CCND3: variants seen among roughly 807,000 people sequenced by gnomAD.
CCND3 encodes the protein G1/S-specific cyclin-D3.
In CCND3, 9 loss-of-function variants were observed where a neutral mutation model predicts 28.7. The observed-to-expected ratio is 0.31, with a 90% CI of 0.19 to 0.55. The LOEUF is 0.55. Among genes scored for constraint, CCND3 ranks in the 20% least tolerant of loss-of-function variants. The probability of loss-of-function intolerance (pLI) is 0.93; values close to 1 mark genes in which losing one functional copy is unlikely to be tolerated. For missense variants in CCND3, 315 were observed against 385.8 expected (o/e 0.82, Z 1.54); for synonymous variants, 164 against 163.9 (o/e 1.00, Z 0.00).
In CCND3 at chr6:41,938,865, C is replaced by A. The variant is rs1775897242; in HGVS notation, c.415-1471G>T. On this transcript the variant is annotated intron_variant, in intron 2 of 4. Transcript: ENST00000372991. The surrounding 1 kb of genome is among the most constrained non-coding windows in gnomAD (Gnocchi z 4.6). ...CTCCTCTGCTGCACACGGATTTGGA[C>A]CAACTGGAGTTCTCAGAGGTCCCTT... 6.6e-6 allele frequency among the ~76,000 whole-genome samples: 1 copy of A among 152,126 alleles called. No individual in the cohort carries two copies. The highest frequency in any genetic ancestry group is 1.5e-5 in the Non-Finnish European group (1 of 68,016).
chr6:42,047,343 G>T (rs1478352625), intron 1 of CCND3, among the ~76,000 whole-genome samples: 2 of 152,230 alleles, frequency 1.3e-5, no homozygotes, highest in Admixed American at 1.3e-4. Context: ...GGTGCTGAAT[G>T]AATTCATAAA....
rs557989315 is a variant in CCND3 at position 42,006,467 on chromosome 6, C to T, written c.-46+42034G>A. 4.6e-5 allele frequency among the ~76,000 whole-genome samples: 7 copies of T among 152,012 alleles called. 1 individual carries two copies. In the South Asian group the frequency reaches 1.5e-3, roughly 32 times the overall value. ...AGGGCAAGGATGCCTGCTGTCCTTGCTTCTAGCTGACATTAAATTGGAGGC... is the reference window on the plus strand; with the variant it reads ...AGGGCAAGGATGCCTGCTGTCCTTGTTTCTAGCTGACATTAAATTGGAGGC... On this transcript the variant is annotated intron_variant, in intron 1 of 4. Coordinates refer to the CCND3 transcript ENST00000372988.
chr6:42,033,402 A>G (rs914259458), intron 1 of CCND3, among the ~76,000 whole-genome samples: 8 of 151,904 alleles, frequency 5.3e-5, no homozygotes, highest in African/African-American at 1.9e-4. Context: ...TTGAGCTGAG[A>G]TCACACCATT....
upstream of CCND3, among the ~76,000 whole-genome samples, chr6:41,942,882 T>C (rs1306999522): frequency 7.0e-6 from 1 of 142,564 alleles, no homozygotes; most frequent in Non-Finnish European, 1.5e-5. Context: ...CTTTTTTTTT[T>C]TTTTTTTTTT....
intron 1 of CCND3, among the ~76,000 whole-genome samples, chr6:42,044,935 C>T (rs916548135): frequency 5.3e-5 from 8 of 150,654 alleles, no homozygotes; most frequent in Non-Finnish European, 1.0e-4. Context: ...ATTACAGGCC[C>T]GTGCGACCAC....
At chr6:42,032,746 G>T (rs1183950429) in intron 1 of CCND3, among the ~76,000 whole-genome samples, 2 of 152,202 alleles carry the variant, frequency 1.3e-5, no homozygotes, top group African/African-American at 2.4e-5. Flanking sequence ...CAGGAGCCAG[G>T]CTGCCTGACC....
rs117773473 is a variant in CCND3, at chr6:42,024,117, C to T, written c.-46+24384G>A. 1.1e-3 allele frequency among the ~76,000 whole-genome samples: 173 copies of T among 152,132 alleles called. 1 individual carries two copies. The East Asian group carries it at 0.029, about 26-fold the overall frequency. On this transcript the variant is annotated intron_variant, in intron 1 of 4. Coordinates refer to the CCND3 transcript ENST00000372988. ...AGGCACAGAGAGGTTAAGAATGCAC[C>T]CCATGGCTGGGTGCGGTGGCTCACA...
chr6:41,970,271 G>A (rs1266353044), intron 1 of CCND3, among the ~76,000 whole-genome samples: 2 of 152,070 alleles, frequency 1.3e-5, no homozygotes, highest in African/African-American at 2.4e-5. Context: ...CCCAGGAGGC[G>A]GAGGTTGGAG....
upstream of CCND3, among the ~76,000 whole-genome samples, chr6:41,945,719 C>CA (rs913614041): frequency 8.5e-5 from 13 of 152,182 alleles, no homozygotes; most frequent in Non-Finnish European, 1.3e-4. Flanking sequence ...AACCTGGCTC[C>CA]ACAGCTTATG....
At chr6:41,980,158 CAG>C (rs374364089) in intron 1 of CCND3, among the ~76,000 whole-genome samples, 1 of 144,796 alleles carries the variant, frequency 6.9e-6, no homozygotes, top group Non-Finnish European at 1.5e-5. Context: ...TTTTTTGAGA[CAG>C]AGTCTTGTTC....
intron 1 of CCND3, among the ~76,000 whole-genome samples, chr6:42,035,682 C>CT (rs70987564): frequency 0.37 from 49,881 of 133,974 alleles, 9,627 homozygotes; most frequent in Middle Eastern, 0.51. Context: ...CTTTTCTTTT[C>CT]TTTTTTTTTT....
At chr6:42,049,415 C>T (rs1421714089), upstream of CCND3, among the ~76,000 whole-genome samples, 2 of 152,216 alleles carry the variant, frequency 1.3e-5, no homozygotes, top group African/African-American at 4.8e-5. Flanking sequence ...CCCAGCTTTA[C>T]AGAAGAGGAA....
upstream of CCND3, among the ~76,000 whole-genome samples, chr6:42,049,209 G>A (rs1477578970): frequency 6.6e-6 from 1 of 152,096 alleles, no homozygotes; most frequent in Non-Finnish European, 1.5e-5. Context: ...CTAATTTTGT[G>A]TATTTTTAGT....
At chr6:42,038,543 T>TAAA (rs78535061) in intron 1 of CCND3, among the ~76,000 whole-genome samples, 3 of 121,040 alleles carry the variant, frequency 2.5e-5, no homozygotes, top group Non-Finnish European at 1.8e-5. Flanking sequence ...CCATCTCAAC[T>TAAA]AAAAAAAAAA....
chr6:41,973,838 G>A (rs1325349261), intron 1 of CCND3, among the ~76,000 whole-genome samples: 1 of 152,192 alleles, frequency 6.6e-6, no homozygotes, highest in Non-Finnish European at 1.5e-5. Flanking sequence ...ACCACACAGG[G>A]TTTTCTCCTG....
chr6:42,011,568 G>C (rs978165332), intron 1 of CCND3, among the ~76,000 whole-genome samples: 11 of 152,168 alleles, frequency 7.2e-5, no homozygotes, highest in African/African-American at 2.2e-4. Context: ...CCTAACTGGA[G>C]AAACTCAGGC....
intron 1 of CCND3, among the ~76,000 whole-genome samples, chr6:42,015,987 G>A (rs1052092838): frequency 1.3e-5 from 2 of 150,494 alleles, no homozygotes; most frequent in African/African-American, 4.9e-5. Context: ...TGCCCAGGCT[G>A]GAGTGCAGTG....
chr6:42,019,675 A>C (rs1165141707), intron 1 of CCND3, among the ~76,000 whole-genome samples: 1 of 152,146 alleles, frequency 6.6e-6, no homozygotes. Flanking sequence ...AACCCTTAAC[A>C]CTGATTTTCC....
chr6:41,936,443 T>A lies in CCND3; in HGVS notation c.711+116A>T. 8.0e-7 allele frequency: 1 copy of A among 1,246,442 alleles called. No homozygotes were observed. The highest frequency in any genetic ancestry group is 1.1e-6 in the Non-Finnish European group (1 of 882,146). The allele number at this position is 1,246,442 out of a possible 1,614,324, so 77.2% of individuals were successfully genotyped here. A position where few individuals can be genotyped will look rare whatever the true frequency, so the allele number is the denominator to read the frequency against. On this transcript the variant is annotated intron_variant, in intron 4 of 4. Transcript: ENST00000372991. This position sits in a 1 kb window ranked among gnomAD's most constrained non-coding sequence, Gnocchi z 4.4. ...GATAAAAAGCCACAAAGCCCCAAGG[T>A]TGTGAAACCAGGACTTGGGACCAGG...
Sources: allele counts gnomAD v4.1 joint callset (sites outside exome capture counted in the v4.1 genomes callset), GRCh38; gene constraint gnomAD v4.1.1; non-coding constraint Gnocchi (gnomAD v3.1); transcripts MANE v1.5; gene names NCBI Gene and HGNC (gene_info 2026-07-23, HGNC 2026-07-21).